Variants in CSMD2 observed in about 807,000 individuals in gnomAD.
CSMD2 encodes the protein CUB and Sushi multiple domains 2, also known as CUB and sushi domain-containing protein 2.
Under a neutral mutation model 398.5 loss-of-function variants are expected in CSMD2, and 130 were observed. The ratio of observed to expected loss-of-function variants is 0.33; its 90% CI spans 0.28 to 0.38. CSMD2 has a LOEUF of 0.38. Among genes scored for constraint, CSMD2 ranks in the 10% least tolerant of loss-of-function variants. CSMD2 has a pLI of 1.00. For synonymous variants in CSMD2, 1,828 were observed against 1,908.5 expected (o/e 0.96, Z 1.10); for missense variants, 3,829 against 4,764.9 (o/e 0.80, Z 5.78).
At chr1:33,768,577 T>TCA (rs1650853811) in intron 13 of CSMD2, among the ~76,000 whole-genome samples, 1 of 132,898 alleles carries the variant, frequency 7.5e-6, no homozygotes, top group Non-Finnish European at 1.6e-5. Context: ...TGTGTGTGTG[T>TCA]GTCACCAGAA....
intron 2 of CSMD2, among the ~76,000 whole-genome samples, chr1:34,076,939 A>G (rs1656444158): frequency 8.7e-6 from 1 of 115,246 alleles, no homozygotes; most frequent in Non-Finnish European, 1.8e-5. Context: ...ATATATATAT[A>G]TATATATATA....
intron 44 of CSMD2, chr1:33,599,623 C>G (rs1475357443): frequency 1.3e-5 from 2 of 152,828 alleles, no homozygotes; most frequent in African/African-American, 4.8e-5. Flanking sequence ...TCTTATCACT[C>G]TATGGGAAAG....
chr1:34,025,589 T>G (rs189503814), intron 3 of CSMD2, among the ~76,000 whole-genome samples: 1 of 152,304 alleles, frequency 6.6e-6, no homozygotes, highest in African/African-American at 2.4e-5. Flanking sequence ...TGTACATGCA[T>G]GTATGTGTGT....
chr1:33,771,681 C>G (rs563011693), intron 13 of CSMD2, among the ~76,000 whole-genome samples: 1 of 152,102 alleles, frequency 6.6e-6, no homozygotes, highest in Non-Finnish European at 1.5e-5. Flanking sequence ...GAGGGATCAC[C>G]GATCTCTAGT....
intron 4 of CSMD2, among the ~76,000 whole-genome samples, chr1:33,924,083 C>T (rs550120114): frequency 1.3e-5 from 2 of 152,280 alleles, no homozygotes; most frequent in East Asian, 3.9e-4. Context: ...CTATGAGATC[C>T]ACTTTTTTAA....
At position 33,634,810 on chromosome 1, in the gene CSMD2, C is replaced by T. The variant is rs145032459; in HGVS notation, c.5086+404G>A. 9.9e-5 allele frequency among the ~76,000 whole-genome samples: 15 copies of T among 152,278 alleles called. No individual in the cohort carries two copies. In the East Asian group the frequency reaches 2.5e-3, roughly 26 times the overall value. On this transcript the variant is annotated intron_variant, in intron 31 of 70. Transcript: ENST00000373381. ...TGGCTCCTGGTCTCCCTCACCTGCA[C>T]TTTCAAGCCCAGCTCCATCCCATTC...
chr1:33,818,997 G>T (rs1657787964), intron 9 of CSMD2, among the ~76,000 whole-genome samples: 1 of 152,204 alleles, frequency 6.6e-6, no homozygotes, highest in Non-Finnish European at 1.5e-5. Context: ...GCACCTGTTG[G>T]CTTTTAAAGA....
At chr1:33,892,240 T>G in intron 5 of CSMD2, among the ~76,000 whole-genome samples, 1 of 151,984 alleles carries the variant, frequency 6.6e-6, no homozygotes, top group East Asian at 1.9e-4. Context: ...ATGTCAGACA[T>G]ATTTAATTTC....
chr1:34,081,698 A>C (rs1331798825), intron 2 of CSMD2, among the ~76,000 whole-genome samples: 3 of 152,198 alleles, frequency 2.0e-5, no homozygotes, highest in African/African-American at 7.2e-5. Flanking sequence ...TCGCTCACTC[A>C]GTGCTCAATG....
intron 3 of CSMD2, among the ~76,000 whole-genome samples, chr1:34,018,494 T>C (rs1396678524): frequency 2.6e-5 from 4 of 152,238 alleles, no homozygotes; most frequent in Non-Finnish European, 5.9e-5. Context: ...AAGGACTAAT[T>C]TACATCAGCA....
chr1:33,644,955 T>C (rs1482540546), intron 29 of CSMD2, among the ~76,000 whole-genome samples: 1 of 152,124 alleles, frequency 6.6e-6, no homozygotes, highest in African/African-American at 2.4e-5. Flanking sequence ...TGCACACCAG[T>C]CTTCTAGAAC....
intron 5 of CSMD2, among the ~76,000 whole-genome samples, chr1:33,901,702 T>C (rs1642769170): frequency 6.6e-6 from 1 of 152,176 alleles, no homozygotes. Flanking sequence ...AGCATTGTAA[T>C]CACAAAGCTT....
At chr1:33,532,477 T>C (rs1655330992) in intron 64 of CSMD2, among the ~76,000 whole-genome samples, 1 of 152,192 alleles carries the variant, frequency 6.6e-6, no homozygotes. Flanking sequence ...TTTCCCCCAC[T>C]TTAGTGCCCT....
intron 2 of CSMD2, among the ~76,000 whole-genome samples, chr1:34,043,667 G>C (rs964600066): frequency 6.6e-6 from 1 of 152,194 alleles, no homozygotes; most frequent in Non-Finnish European, 1.5e-5. Flanking sequence ...CCTTTGAAAG[G>C]CCAGCTTACA....
At chr1:33,936,462 G>A (rs1276330316) in intron 3 of CSMD2, among the ~76,000 whole-genome samples, 1 of 152,228 alleles carries the variant, frequency 6.6e-6, no homozygotes, top group Non-Finnish European at 1.5e-5. Flanking sequence ...GTTCAGGGGA[G>A]TTGAAAGGGT....
chr1:33,940,969 T>A (rs1289060192), intron 3 of CSMD2, among the ~76,000 whole-genome samples: 2 of 152,208 alleles, frequency 1.3e-5, no homozygotes, highest in African/African-American at 2.4e-5. Flanking sequence ...GAATCCTTTC[T>A]AAGGCACCGT....
At position 33,586,600 on chromosome 1, in the gene CSMD2, T is replaced by C. The variant is rs1639095071; in HGVS notation, c.6955A>G (p.Arg2319Gly). ...ACTAAGGTAAAGCCAGGGAGGCATCTGTAGCGTACGATGTCACCTGTCAAA... is the reference window on the plus strand; with the variant it reads ...ACTAAGGTAAAGCCAGGGAGGCATCCGTAGCGTACGATGTCACCTGTCAAA... ...EFNIGDIVRY[R>G]CLPGFTLVGN... Residue 2319 changes from arginine to glycine, a missense_variant, in exon 46 of 71, where the codon AGA becomes GGA. Arg to Gly is a moderately radical substitution (Grantham distance 125, BLOSUM62 -2). Coordinates refer to ENST00000373381, the MANE Select transcript of CSMD2 (RefSeq NM_001281956.2). The C allele has an allele frequency of 6.2e-7, 1 of 1,612,616 alleles. No homozygotes were observed.
chr1:33,724,487 C>G, intron 18 of CSMD2, 29 bp downstream of exon 18: 1 of 1,604,682 alleles, frequency 6.2e-7, no homozygotes, highest in Non-Finnish European at 8.5e-7. Context: ...GAGTCTGCTA[C>G]TTTAGCGCCC....
chr1:33,935,863 G>T lies in CSMD2; in HGVS notation c.609C>A (p.Tyr203Ter). 1 of 1,614,218 alleles carries T rather than the reference G, an allele frequency of 6.2e-7. No homozygotes were observed. The change falls in exon 4 of 71, where the codon TAC (tyrosine) becomes TAA (stop). Residue 203 changes from tyrosine to a stop codon, truncating the protein, a stop_gained. Transcript: ENST00000373381. LOFTEE classifies it high-confidence loss of function. ...STFNLGDKVRYSCNLGFFLEG... is the reference protein window; with the variant it reads ...STFNLGDKVR ...CCAGGAAGAAGCCAAGGTTGCAGCT[G>T]TAGCGGACCTTGTCACCGAGGTTGA... is the stretch of plus-strand genomic sequence containing the variant.
Sources: gnomAD v4.1 joint callset for allele counts (sites outside exome capture counted in the v4.1 genomes callset) on GRCh38, gnomAD v4.1.1 for gene constraint, MANE v1.5 for transcripts, NCBI Gene and HGNC (gene_info 2026-07-23, HGNC 2026-07-21) for gene names.